The following AFAP1 variants were observed in gnomAD, a reference collection of about 807,000 sequenced individuals.
The protein encoded by AFAP1 is actin filament-associated protein 1.
Under a neutral mutation model 93.9 loss-of-function variants are expected in AFAP1, and 75 were observed. That is an observed-to-expected ratio of 0.80 (90% CI 0.66 to 0.97). The LOEUF is 0.97. Among genes scored for constraint, AFAP1 ranks in the 50% least tolerant of loss-of-function variants. The probability of loss-of-function intolerance (pLI) is 0.00; values close to 1 mark genes in which losing one functional copy is unlikely to be tolerated. For missense variants in AFAP1, 1,201 were observed against 1,050.8 expected (o/e 1.14, Z -1.98); for synonymous variants, 517 against 430.7 (o/e 1.20, Z -2.48).
intron 1 of AFAP1, among the ~76,000 whole-genome samples, chr4:7,907,774 G>A (rs970922697): frequency 6.6e-6 from 1 of 152,128 alleles, no homozygotes; most frequent in East Asian, 1.9e-4. Context: ...CTGGTTCCAA[G>A]CAGTTTAGAT....
intron 1 of AFAP1, among the ~76,000 whole-genome samples, chr4:7,933,002 AG>A (rs1358527264): frequency 8.0e-6 from 1 of 125,590 alleles, no homozygotes; most frequent in Middle Eastern, 4.1e-3. Flanking sequence ...CCTGGGCAAC[AG>A]AGTGAGACTC....
intron 6 of AFAP1, among the ~76,000 whole-genome samples, chr4:7,834,128 C>CACACATAT (rs756961714): frequency 3.9e-4 from 46 of 119,424 alleles, no homozygotes; most frequent in African/African-American, 9.4e-4. Flanking sequence ...CACACACACA[C>CACACATAT]ATATATACAA....
intron 1 of AFAP1, among the ~76,000 whole-genome samples, chr4:7,935,713 T>C (rs1721338377): frequency 6.6e-6 from 1 of 151,950 alleles, no homozygotes; most frequent in South Asian, 2.1e-4. Context: ...TAGGATACAA[T>C]ACCAATGGCA....
intron 8 of AFAP1, among the ~76,000 whole-genome samples, chr4:7,812,595 C>T (rs978238734): frequency 6.6e-6 from 1 of 152,064 alleles, no homozygotes; most frequent in African/African-American, 2.4e-5. Flanking sequence ...AAAAACTCAA[C>T]ACTCAGAACG....
At chr4:7,785,284 T>A (rs565924921) in intron 12 of AFAP1, among the ~76,000 whole-genome samples, 1 of 152,048 alleles carries the variant, frequency 6.6e-6, no homozygotes, top group Non-Finnish European at 1.5e-5. Context: ...AGAACAGACT[T>A]CAGGACTCCT....
intron 1 of AFAP1, among the ~76,000 whole-genome samples, chr4:7,938,301 G>C (rs1305046759): frequency 6.6e-6 from 1 of 152,170 alleles, no homozygotes; most frequent in Non-Finnish European, 1.5e-5. Flanking sequence ...ACCATCTCTT[G>C]TTCAGAAAGA....
chr4:7,805,634 G>A (rs1160708941), intron 9 of AFAP1, among the ~76,000 whole-genome samples: 2 of 152,208 alleles, frequency 1.3e-5, no homozygotes, highest in Non-Finnish European at 2.9e-5. Context: ...CCTAGATGGA[G>A]GAGCCTGACA....
intron 1 of AFAP1, among the ~76,000 whole-genome samples, chr4:7,888,618 A>G (rs1229544427): frequency 1.3e-5 from 2 of 152,210 alleles, no homozygotes; most frequent in Non-Finnish European, 2.9e-5. Context: ...AGGCAGCTTC[A>G]CTAGTGAATT....
chr4:7,768,545 C>CGAGTCCAGAG (rs1410686283), intron 17 of AFAP1, among the ~76,000 whole-genome samples: 1 of 152,112 alleles, frequency 6.6e-6, no homozygotes, highest in African/African-American at 2.4e-5. Context: ...ACTGAGAAAA[C>CGAGTCCAGAG]GAGTCCAGAG....
At chr4:7,852,848 G>T (rs34132874) in intron 4 of AFAP1, among the ~76,000 whole-genome samples, 16,263 of 152,058 alleles carry the variant, frequency 0.11, 1,100 homozygotes, top group Non-Finnish European at 0.15. Context: ...CACATAAGAA[G>T]GGCTAACAGG....
intron 1 of AFAP1, among the ~76,000 whole-genome samples, chr4:7,937,445 C>T (rs764435866): frequency 6.6e-6 from 1 of 152,166 alleles, no homozygotes; most frequent in African/African-American, 2.4e-5. Flanking sequence ...GAAGAGAAGG[C>T]CTTCCAGGAA....
intron 4 of AFAP1, among the ~76,000 whole-genome samples, chr4:7,848,907 G>GA (rs1560197706): frequency 6.6e-6 from 1 of 152,080 alleles, no homozygotes; most frequent in African/African-American, 2.4e-5. Flanking sequence ...GTTTATTCCA[G>GA]AAAAAAACTG....
At position 7,898,076 on chromosome 4, in the gene AFAP1, C is replaced by T. The variant is rs199767760; in HGVS notation, c.-2-25996G>A. 1.1e-4 allele frequency among the ~76,000 whole-genome samples: 16 copies of T among 152,314 alleles called. No homozygotes were observed. The East Asian group carries it at 1.5e-3, about 15-fold the overall frequency. On this transcript the variant is annotated intron_variant, in intron 1 of 17. Coordinates refer to ENST00000420658, the MANE Select transcript of AFAP1 (RefSeq NM_001134647.2). ...TCCTCACCTTCCTCATCCTTCCCAACCAGGTCCAGCCTTCATCATAGTGCT... is the reference window on the plus strand; with the variant it reads ...TCCTCACCTTCCTCATCCTTCCCAATCAGGTCCAGCCTTCATCATAGTGCT...
At chr4:7,795,586 G>T (rs546873650) in intron 10 of AFAP1, among the ~76,000 whole-genome samples, 1 of 151,398 alleles carries the variant, frequency 6.6e-6, no homozygotes, top group African/African-American at 2.4e-5. Context: ...CACCACGCCC[G>T]GATAATTTTT....
intron 4 of AFAP1, among the ~76,000 whole-genome samples, chr4:7,850,730 A>C (rs942605440): frequency 6.6e-6 from 1 of 152,238 alleles, no homozygotes; most frequent in African/African-American, 2.4e-5. Flanking sequence ...CAGGTCCCCC[A>C]GCTGCTTGCT....
chr4:7,828,384 G>T (rs917057591), intron 6 of AFAP1, among the ~76,000 whole-genome samples: 3 of 152,168 alleles, frequency 2.0e-5, no homozygotes, highest in African/African-American at 7.2e-5. Flanking sequence ...GGTTTATTTT[G>T]AAATTCGAGA....
intron 6 of AFAP1, among the ~76,000 whole-genome samples, chr4:7,825,498 G>C (rs1210462113): frequency 6.6e-6 from 1 of 152,124 alleles, no homozygotes; most frequent in African/African-American, 2.4e-5. Context: ...TAAACCATTA[G>C]TCAAAGAAGA....
chr4:7,793,900 A>G (rs1718136229), intron 10 of AFAP1, 74 bp from the exon 11 acceptor site: 1 of 1,387,460 alleles, frequency 7.2e-7, no homozygotes, highest in Admixed American at 2.3e-5. Flanking sequence ...GTCAATAAAG[A>G]GACCACATAA....
In AFAP1 at chr4:7,838,690, G is replaced by A. The variant is rs1054075338; in HGVS notation, c.560C>T (p.Ser187Phe). The A allele has an allele frequency of 3.7e-6, 6 of 1,613,898 alleles. No individual in the cohort carries two copies. Among genetic ancestry groups the A allele is most frequent in the Middle Eastern group, 1.6e-4 (1 of 6,084 alleles). Residue 187 changes from serine to phenylalanine, a missense_variant, in exon 6 of 18, where the codon TCC (serine) becomes TTC (phenylalanine). Ser to Phe is a radical substitution (Grantham distance 155). Transcript: ENST00000420658. ...TTCCATCTGAGGCTGCTGGTCCTTG[G>A]AACTTTTATAGCACTGCATTCAACA... is the stretch of plus-strand genomic sequence containing the variant. Reference protein sequence around the residue: ...KDTKLLCYKSSKDQQPQMELP... With the variant: ...KDTKLLCYKSFKDQQPQMELP...
Sources: allele counts gnomAD v4.1 joint callset (sites outside exome capture counted in the v4.1 genomes callset), GRCh38; gene constraint gnomAD v4.1.1; transcripts MANE v1.5; gene names NCBI Gene and HGNC (gene_info 2026-07-23, HGNC 2026-07-21).